Variants in PTBP3 observed in about 807,000 individuals in gnomAD.
PTBP3 encodes the protein polypyrimidine tract-binding protein 3.
PTBP3 carries 20 observed loss-of-function variants against 58.7 expected under a neutral mutation model. The observed-to-expected ratio is 0.34, with a 90% CI of 0.24 to 0.50. PTBP3 has a LOEUF of 0.50. PTBP3 is among the 20% of genes least tolerant of loss of function. PTBP3 has a pLI of 0.98. For synonymous variants in PTBP3, 185 were observed against 219.8 expected (o/e 0.84, Z 1.40); for missense variants, 509 against 637.2 (o/e 0.80, Z 2.17).
At chr9:112,287,028 C>T (rs1648795694) in intron 2 of PTBP3, among the ~76,000 whole-genome samples, 1 of 152,122 alleles carries the variant, frequency 6.6e-6, no homozygotes, top group South Asian at 2.1e-4. Flanking sequence ...TCCGTCTCCA[C>T]CAATCCCCAC....
At chr9:112,293,472 C>A (rs564155259) in intron 2 of PTBP3, among the ~76,000 whole-genome samples, 1 of 152,278 alleles carries the variant, frequency 6.6e-6, no homozygotes, top group African/African-American at 2.4e-5. Flanking sequence ...TGAGTGTCCC[C>A]TTCAATATCT....
rs889663478 is a variant in PTBP3 at position 112,312,229 on chromosome 9, T to TA, written c.-51-14314dup. Among the ~76,000 whole-genome samples the TA allele has an allele frequency of 2.6e-5, 4 of 151,596 alleles. No individual in the cohort carries two copies. The South Asian group carries it at 6.2e-4, about 24-fold the overall frequency. On this transcript the variant is annotated intron_variant, in intron 1 of 13. Coordinates refer to ENST00000374257, the MANE Select transcript of PTBP3 (RefSeq NM_001163788.4). ...TCACCTTAACCAAGTGATTAAGACA[T>TA]AAAAAAAAGTGGGGAAGCTAAGGCA...
In PTBP3 at chr9:112,321,460, C is replaced by T. The variant is rs544740899; in HGVS notation, c.-52+12010G>A. The stretch of plus-strand genomic sequence containing the variant: ...AGGAGAATCGATTGAACCTGGGAGG[C>T]GGAGGTTGCAGTAAGCCAAGATCGC... On this transcript the variant is annotated intron_variant, in intron 1 of 13. Coordinates refer to ENST00000374257, the MANE Select transcript of PTBP3 (RefSeq NM_001163788.4). 4.7e-5 allele frequency among the ~76,000 whole-genome samples: 7 copies of T among 148,004 alleles called. No homozygotes were observed. The South Asian group carries it at 8.5e-4, about 18-fold the overall frequency.
the PTBP3 span, among the ~76,000 whole-genome samples, chr9:112,350,339 C>T: frequency 1.3e-5 from 2 of 151,550 alleles, no homozygotes; most frequent in Admixed American, 6.6e-5. Flanking sequence ...TATTCATGTA[C>T]AAAAATAAGT....
intron 1 of PTBP3, among the ~76,000 whole-genome samples, chr9:112,301,404 T>G (rs1449240654): frequency 4.0e-5 from 6 of 151,358 alleles, no homozygotes; most frequent in Non-Finnish European, 5.9e-5. Context: ...CTGGTAGCAA[T>G]GTAAAATGGT....
At chr9:112,345,341 TAAAAAAAAAAA>T in the PTBP3 span, among the ~76,000 whole-genome samples, 4,302 of 63,590 alleles carry the variant, frequency 0.068, 222 homozygotes, top group African/African-American at 0.19. Flanking sequence ...CCCTCATCTC[TAAAAAAAAAAA>T]AAAAAAAAAA....
At chr9:112,322,223 G>C (rs1829984815) in intron 1 of PTBP3, among the ~76,000 whole-genome samples, 1 of 151,270 alleles carries the variant, frequency 6.6e-6, no homozygotes, top group Non-Finnish European at 1.5e-5. Flanking sequence ...ACACCCAAGA[G>C]CAAGAGCTTC....
At chr9:112,348,488 T>C in the PTBP3 span, among the ~76,000 whole-genome samples, 3 of 152,234 alleles carry the variant, frequency 2.0e-5, no homozygotes, top group South Asian at 2.1e-4. Flanking sequence ...CAGATGAGCA[T>C]GTGCACAAGT....
At chr9:112,360,489 A>G in the PTBP3 span, among the ~76,000 whole-genome samples, 1 of 152,158 alleles carries the variant, frequency 6.6e-6, no homozygotes, top group Non-Finnish European at 1.5e-5. Context: ...TCTGGCTCAC[A>G]AGGATTTCTC....
intron 9 of PTBP3, 74 bp downstream of exon 9, chr9:112,232,025 A>AAAGACAG (rs1554788123): frequency 4.2e-6 from 1 of 238,738 alleles, no homozygotes; most frequent in African/African-American, 6.1e-5. Context: ...AGAAGAAAAG[A>AAAGACAG]AAAGAAAGAA....
intron 1 of PTBP3, among the ~76,000 whole-genome samples, chr9:112,312,840 T>TG (rs777607682): frequency 1.3e-5 from 2 of 152,072 alleles, no homozygotes; most frequent in Non-Finnish European, 2.9e-5. Context: ...GTCCAGGAGT[T>TG]GGAGACCAGC....
upstream of PTBP3, chr9:112,333,667 C>A (rs1830485021): frequency 3.7e-6 from 2 of 539,784 alleles, no homozygotes; most frequent in South Asian, 3.5e-5. Flanking sequence ...GCCGCGCCCC[C>A]GCCTTCCCCA....
At chr9:112,287,482 C>T (rs533032072) in intron 2 of PTBP3, among the ~76,000 whole-genome samples, 6 of 151,584 alleles carry the variant, frequency 4.0e-5, no homozygotes, top group African/African-American at 1.2e-4. Context: ...CTGAGATTAC[C>T]GGTGCACACC....
the PTBP3 span, among the ~76,000 whole-genome samples, chr9:112,352,928 T>G: frequency 6.6e-6 from 1 of 151,372 alleles, no homozygotes; most frequent in Admixed American, 6.6e-5. Context: ...TGAGACAGAG[T>G]CTTCTGCTCT....
chr9:112,290,787 T>G (rs1828385112), intron 2 of PTBP3, among the ~76,000 whole-genome samples: 2 of 149,850 alleles, frequency 1.3e-5, no homozygotes, highest in Non-Finnish European at 1.5e-5. Flanking sequence ...ATATTTCTGG[T>G]AAGAGTATAA....
At chr9:112,325,449 C>T (rs964238479) in intron 1 of PTBP3, among the ~76,000 whole-genome samples, 5 of 152,008 alleles carry the variant, frequency 3.3e-5, no homozygotes, top group African/African-American at 1.2e-4. Flanking sequence ...CTGAGAGCTC[C>T]CCTTTCGCTT....
downstream of PTBP3, chr9:112,218,191 C>A (rs775025990): frequency 2.0e-5 from 3 of 152,192 alleles, no homozygotes; most frequent in African/African-American, 4.8e-5. Context: ...AGAGAAGGTG[C>A]ATCATAGGAA....
At chr9:112,282,508 A>G (rs1827914157) in intron 2 of PTBP3, among the ~76,000 whole-genome samples, 3 of 152,182 alleles carry the variant, frequency 2.0e-5, no homozygotes, top group Admixed American at 6.5e-5. Flanking sequence ...TTAAAACTAC[A>G]TATTTCCTTC....
chr9:112,311,471 G>C (rs1430179382), intron 1 of PTBP3, among the ~76,000 whole-genome samples: 1 of 152,184 alleles, frequency 6.6e-6, no homozygotes, highest in Non-Finnish European at 1.5e-5. Context: ...ACATGAGTGA[G>C]TTTGAACTGC....
Sources: gnomAD v4.1 joint callset for allele counts (sites outside exome capture counted in the v4.1 genomes callset) on GRCh38, gnomAD v4.1.1 for gene constraint, MANE v1.5 for transcripts, NCBI Gene and HGNC (gene_info 2026-07-23, HGNC 2026-07-21) for gene names.